The following CLPS variants were observed in gnomAD, a reference collection of about 807,000 sequenced individuals.
The protein encoded by CLPS is colipase, also known as colipase, pancreatic.
A neutral mutation model predicts 9.3 loss-of-function variants in CLPS; 8 were observed. That is an observed-to-expected ratio of 0.86 (90% CI 0.51 to 1.56). CLPS has a LOEUF of 1.56. Among genes scored for constraint, CLPS ranks in the 40% most tolerant of loss-of-function variants. The pLI is 0.00. For missense variants in CLPS, 144 were observed against 145.7 expected (o/e 0.99, Z 0.06); for synonymous variants, 61 against 56.2 (o/e 1.09, Z -0.39).
chr6:35,797,191 G>A lies in CLPS; in HGVS notation c.84+14C>T. ...TGGGGACTCAGGAGGCGCCTCCCCTGAAGACCCTCTTACCAGGTTGATAAT... is the reference window on the plus strand; with the variant it reads ...TGGGGACTCAGGAGGCGCCTCCCCTAAAGACCCTCTTACCAGGTTGATAAT... On this transcript the variant is annotated intron_variant, in intron 1 of 2. Transcript: ENST00000259938. 1 of 1,612,230 alleles carries A rather than the reference G, an allele frequency of 6.2e-7. No individual in the cohort carries two copies. The highest frequency in any genetic ancestry group is 2.2e-5 in the East Asian group (1 of 44,856).
intron 1 of CLPS, chr6:35,796,659 G>C (rs1171736715): frequency 1.4e-5 from 5 of 345,962 alleles, no homozygotes; most frequent in East Asian, 1.9e-4. Flanking sequence ...CGTAGGGCCA[G>C]GTGAGGTGGC....
In CLPS at chr6:35,795,473, C is replaced by T. The variant is rs553890440; in HGVS notation, c.208-196G>A. On this transcript the variant is annotated intron_variant, in intron 2 of 2. Coordinates refer to ENST00000259938, the MANE Select transcript of CLPS (RefSeq NM_001832.4). Reference sequence around the variant, plus strand: ...GCTCTGGCTCATTTGCTCTTACTAGCTTGATCTCTCTGGGGAGCCTCTATT... The same window carrying T: ...GCTCTGGCTCATTTGCTCTTACTAGTTTGATCTCTCTGGGGAGCCTCTATT... Among the ~76,000 whole-genome samples the T allele has an allele frequency of 1.2e-4, 18 of 152,358 alleles. No individual in the cohort carries two copies. The South Asian group carries it at 3.1e-3, about 26-fold the overall frequency.
At position 35,795,090 on chromosome 6, in the gene CLPS, C is replaced by G; in HGVS notation, c.*56G>C. On this transcript the variant is annotated 3_prime_UTR_variant, in exon 3 of 3. Coordinates refer to ENST00000259938, the MANE Select transcript of CLPS (RefSeq NM_001832.4). ...TGCGCTGGAGCAGGGGAGAGATGCC[C>G]CTGCGCCTAGTGGCCTACAGCATTC... 6.3e-7 allele frequency: 1 copy of G among 1,594,100 alleles called. No individual in the cohort carries two copies. The highest frequency in any genetic ancestry group is 8.5e-7 in the Non-Finnish European group (1 of 1,170,186).
intron 1 of CLPS, 109 bp from the exon 2 acceptor site, chr6:35,795,962 G>A: frequency 6.6e-7 from 1 of 1,522,628 alleles, no homozygotes; most frequent in East Asian, 2.3e-5. Flanking sequence ...TGGTAGGGAT[G>A]TGTGTGAAGG....
intron 1 of CLPS, 37 bp downstream of exon 1, chr6:35,797,168 G>C: frequency 6.4e-7 from 1 of 1,568,052 alleles, no homozygotes; most frequent in Middle Eastern, 1.7e-4. Flanking sequence ...TCTTCATCTG[G>C]GGACTCAGGA....
chr6:35,797,094 C>G, intron 1 of CLPS, 111 bp downstream of exon 1: 2 of 993,430 alleles, frequency 2.0e-6, no homozygotes, highest in Non-Finnish European at 3.1e-6. Context: ...TGCAAGATGC[C>G]ACTCCTCCCA....
rs142530335 is a variant in CLPS at position 35,795,774 on chromosome 6, C to G, written c.164G>C (p.Arg55Pro). 4 of 1,613,102 alleles carry G rather than the reference C, an allele frequency of 2.5e-6. No homozygotes were observed. Among genetic ancestry groups the G allele is most frequent in the Non-Finnish European group, 3.4e-6 (4 of 1,180,018 alleles). Residue 55 changes from arginine to proline, a missense_variant, in exon 2 of 3, where the codon CGC becomes CCC. Arg to Pro is a moderately radical substitution (Grantham distance 103). Coordinates refer to ENST00000259938, the MANE Select transcript of CLPS (RefSeq NM_001832.4). ...CQHSSALGLA[R>P]CTSMASENSE... Reference sequence around the variant, plus strand: ...GTTCTCGCTGGCCATGGATGTGCAGCGGGCCAGGCCCAGCGCACTTGAATG... The same window carrying G: ...GTTCTCGCTGGCCATGGATGTGCAGGGGGCCAGGCCCAGCGCACTTGAATG...
At chr6:35,796,087 G>C (rs994710353) in intron 1 of CLPS, among the ~76,000 whole-genome samples, 8 of 152,256 alleles carry the variant, frequency 5.3e-5, no homozygotes, top group Non-Finnish European at 1.2e-4. Flanking sequence ...TTCTAGTACC[G>C]GCTGTGCTAC....
At chr6:35,795,465 C>A (rs1768334529) in intron 2 of CLPS, among the ~76,000 whole-genome samples, 188 bp from the exon 3 acceptor site, 1 of 152,240 alleles carries the variant, frequency 6.6e-6, no homozygotes, top group Non-Finnish European at 1.5e-5. Flanking sequence ...CTCATTTGCT[C>A]TTACTAGCTT....
rs760509453 is a variant in CLPS at position 35,795,835 on chromosome 6, T to G, written c.103A>C (p.Met35Leu). 1.2e-6 allele frequency: 2 copies of G among 1,612,928 alleles called. No homozygotes were observed. Among genetic ancestry groups the G allele is most frequent in the African/African-American group, 1.3e-5 (1 of 74,962 alleles). The change falls in exon 2 of 3, where the codon ATG (methionine) becomes CTG (leucine). Residue 35 changes from methionine (M) to leucine (L), a missense_variant. By Grantham distance (15) the Met-to-Leu change is conservative (BLOSUM62 2). Transcript: ENST00000259938. ...TTGCTCTTACACTGGGCACTATTCATGCAGAGCTCACCGTTCTCCTGCCAG... is the reference window on the plus strand; with the variant it reads ...TTGCTCTTACACTGGGCACTATTCAGGCAGAGCTCACCGTTCTCCTGCCAG... ...IINLENGELC[M>L]NSAQCKSNCC...
intron 1 of CLPS, among the ~76,000 whole-genome samples, chr6:35,796,460 G>A (rs1768371070): frequency 6.6e-6 from 1 of 152,294 alleles, no homozygotes; most frequent in African/African-American, 2.4e-5. Context: ...GTGACCTCAG[G>A]CAGGTTGCTC....
chr6:35,795,675 G>A (rs1768341412), intron 2 of CLPS, 56 bp downstream of exon 2: 1 of 1,599,368 alleles, frequency 6.3e-7, no homozygotes, highest in Non-Finnish European at 8.5e-7. Context: ...ACTCACAAGT[G>A]TTCAGGGCCC....
intron 2 of CLPS, 142 bp downstream of exon 2, chr6:35,795,589 A>T: frequency 7.3e-7 from 1 of 1,369,476 alleles, no homozygotes; most frequent in African/African-American, 1.4e-5. Context: ...GGGATGGGAA[A>T]GTGCTTTGAC....
intron 1 of CLPS, among the ~76,000 whole-genome samples, chr6:35,796,113 C>T (rs1768362493): frequency 6.6e-6 from 1 of 152,264 alleles, no homozygotes; most frequent in South Asian, 2.1e-4. Flanking sequence ...TCCTGTGTGA[C>T]TCTGGGCAAG....
chr6:35,795,902 C>G, intron 1 of CLPS, 49 bp from the exon 2 acceptor site: 2 of 1,607,222 alleles, frequency 1.2e-6, no homozygotes, highest in Non-Finnish European at 1.7e-6. Context: ...CAGGTCCCTT[C>G]TCCATTCAGA....
chr6:35,795,075 C>T lies in CLPS; in HGVS notation c.*71G>A. The T allele has an allele frequency of 2.5e-6, 4 of 1,569,512 alleles. No individual in the cohort carries two copies. Among genetic ancestry groups the T allele is most frequent in the Non-Finnish European group, 1.7e-6 (2 of 1,156,886 alleles). ...GGCCAGCCCGGGAGATGCGCTGGAG[C>T]AGGGGAGAGATGCCCCTGCGCCTAG... is the stretch of plus-strand genomic sequence containing the variant. On this transcript the variant is annotated 3_prime_UTR_variant, in exon 3 of 3. Transcript: ENST00000259938.
At position 35,795,059 on chromosome 6, in the gene CLPS, G is replaced by C. The variant is rs530603346; in HGVS notation, c.*87C>G. On this transcript the variant is annotated 3_prime_UTR_variant, in exon 3 of 3. Coordinates refer to ENST00000259938, the MANE Select transcript of CLPS (RefSeq NM_001832.4). ...TGCTGGTCAAGGAGGTGGCCAGCCC[G>C]GGAGATGCGCTGGAGCAGGGGAGAG... 1.2e-5 allele frequency: 18 copies of C among 1,535,164 alleles called. No individual in the cohort carries two copies. Among genetic ancestry groups the C allele is most frequent in the Non-Finnish European group, 1.3e-5 (15 of 1,135,002 alleles).
intron 2 of CLPS, 107 bp downstream of exon 2, chr6:35,795,624 C>T (rs975012583): frequency 1.3e-6 from 2 of 1,539,212 alleles, no homozygotes; most frequent in Non-Finnish European, 1.8e-6. Context: ...CTCTCGTCTC[C>T]TCAACATTCA....
chr6:35,795,397 C>T (rs1768332828), intron 2 of CLPS, 120 bp from the exon 3 acceptor site: 2 of 1,428,078 alleles, frequency 1.4e-6, no homozygotes, highest in Non-Finnish European at 9.5e-7. Flanking sequence ...GCCTCTCCCA[C>T]CTGCCTCCCC....
Sources: allele counts gnomAD v4.1 joint callset (sites outside exome capture counted in the v4.1 genomes callset), GRCh38; gene constraint gnomAD v4.1.1; transcripts MANE v1.5; gene names NCBI Gene and HGNC (gene_info 2026-07-23, HGNC 2026-07-21).